CLUAP1: variants seen among roughly 807,000 people sequenced by gnomAD.
CLUAP1 encodes the protein intraflagellar transport 38, also known as clusterin-associated protein 1.
CLUAP1 carries 50 observed loss-of-function variants against 55.0 expected under a neutral mutation model. That is an observed-to-expected ratio of 0.91 (90% CI 0.72 to 1.15). The LOEUF (loss-of-function observed/expected upper bound fraction) is 1.15. Ranked by LOEUF, CLUAP1 falls within the 50% of genes most tolerant of loss-of-function variation. The probability of loss-of-function intolerance (pLI) is 0.00; values close to 1 mark genes in which losing one functional copy is unlikely to be tolerated. For missense variants in CLUAP1, 530 were observed against 507.6 expected (o/e 1.04, Z -0.42); for synonymous variants, 195 against 175.4 (o/e 1.11, Z -0.88).
At chr16:3,505,076 C>A (rs1006979104) in intron 2 of CLUAP1, among the ~76,000 whole-genome samples, 6 of 152,140 alleles carry the variant, frequency 3.9e-5, no homozygotes, top group African/African-American at 1.4e-4. Flanking sequence ...TGTCTCCATA[C>A]ACAAAAGAAC....
chr16:3,495,915 C>T, the CLUAP1 span, among the ~76,000 whole-genome samples: 5 of 151,980 alleles, frequency 3.3e-5, no homozygotes, highest in African/African-American at 7.3e-5. Context: ...CCGGGGTGGG[C>T]GGATCATGAG....
chr16:3,512,958 G>T (rs2037660555), intron 5 of CLUAP1, among the ~76,000 whole-genome samples: 1 of 152,194 alleles, frequency 6.6e-6, no homozygotes, highest in Non-Finnish European at 1.5e-5. Context: ...GGGATTACCG[G>T]TGTGAGCCAC....
chr16:3,496,232 TA>T, upstream of CLUAP1: 1 of 619,488 alleles, frequency 1.6e-6, no homozygotes, highest in Non-Finnish European at 3.1e-6. Context: ...AAGAAGGACC[TA>T]AAGGTTCGGC....
chr16:3,497,846 A>G (rs912537418), upstream of CLUAP1, among the ~76,000 whole-genome samples: 1 of 151,866 alleles, frequency 6.6e-6, no homozygotes, highest in Admixed American at 6.6e-5. Flanking sequence ...TTGCTGATGG[A>G]GATCTCACCA....
At chr16:3,514,408 G>T (rs1470881948) in intron 5 of CLUAP1, among the ~76,000 whole-genome samples, 1 of 151,942 alleles carries the variant, frequency 6.6e-6, no homozygotes, top group East Asian at 1.9e-4. Flanking sequence ...ATTTACTGAG[G>T]TGCAGCCTCA....
At chr16:3,508,611 G>A (rs193157764) in intron 4 of CLUAP1, 143 bp downstream of exon 4, 12 of 658,384 alleles carry the variant, frequency 1.8e-5, no homozygotes, top group Admixed American at 1.6e-4. Flanking sequence ...TCAGCATTTG[G>A]ATAAAGTCAA....
At chr16:3,499,439 T>G (rs1490071819), upstream of CLUAP1, among the ~76,000 whole-genome samples, 1 of 152,268 alleles carries the variant, frequency 6.6e-6, no homozygotes, top group African/African-American at 2.4e-5. Flanking sequence ...AGATTTAATT[T>G]TTAGGTTTTT....
chr16:3,508,029 A>G (rs938312644), intron 3 of CLUAP1, among the ~76,000 whole-genome samples: 4 of 152,070 alleles, frequency 2.6e-5, no homozygotes, highest in Non-Finnish European at 5.9e-5. Context: ...GTGTCCCTAG[A>G]ATAAGTTCTT....
Position 3,515,558 on chromosome 16 carries a change from A to G in CLUAP1, c.546A>G (p.Glu182=). Residue 182 remains glutamate (E), a synonymous_variant, in exon 6 of 12, where the codon GAA becomes GAG. Coordinates refer to ENST00000576634, the MANE Select transcript of CLUAP1 (RefSeq NM_015041.3). ...GACCTCTGGAAATAAACGAGACTGAAAAAGTGATGAGAATTGCAATAAAAG... is the reference window on the plus strand; with the variant it reads ...GACCTCTGGAAATAAACGAGACTGAGAAAGTGATGAGAATTGCAATAAAAG... ...IARPLEINET[E]KVMRIAIKEI... The G allele has an allele frequency of 6.2e-7, 1 of 1,601,300 alleles. No homozygotes were observed. Among genetic ancestry groups the G allele is most frequent in the Non-Finnish European group, 8.5e-7 (1 of 1,176,760 alleles).
rs781036885 is a variant in CLUAP1, at chr16:3,512,392, T to G, written c.409T>G (p.Leu137Val). Residue 137 changes from leucine to valine, a missense_variant, in exon 5 of 12, where the codon TTG becomes GTG. Transcript: ENST00000576634. ...KFDLGSKIAD[L>V]KAARQLASEI... ...GTTATTTTCCTTCCAGATTGCAGAT[T>G]TGAAGGCAGCCAGGCAGCTTGCGTC... 1.4e-5 allele frequency: 23 copies of G among 1,613,808 alleles called. 1 individual carries two copies. In the South Asian group the frequency reaches 2.4e-4, roughly 17 times the overall value.
upstream of CLUAP1, chr16:3,496,472 C>T (rs879129646): frequency 1.2e-6 from 1 of 814,786 alleles, no homozygotes; most frequent in Non-Finnish European, 2.0e-6. Flanking sequence ...TAACGGATGA[C>T]GCGAGGGTTC....
At chr16:3,526,567 A>AT in intron 9 of CLUAP1, 83 bp downstream of exon 9, 1 of 708,638 alleles carries the variant, frequency 1.4e-6, no homozygotes. Flanking sequence ...ATATATATAT[A>AT]TTTTTTAATA....
upstream of CLUAP1, among the ~76,000 whole-genome samples, chr16:3,498,172 G>C (rs921273759): frequency 6.6e-6 from 1 of 152,080 alleles, no homozygotes; most frequent in Non-Finnish European, 1.5e-5. Context: ...CCAAGGGCAC[G>C]GGAAGAAGGA....
rs543757952 is a variant in CLUAP1 at position 3,511,656 on chromosome 16, G to A, written c.400-727G>A. 5.3e-5 allele frequency among the ~76,000 whole-genome samples: 8 copies of A among 152,320 alleles called. No homozygotes were observed. In the South Asian group the frequency reaches 6.2e-4, roughly 12 times the overall value. On this transcript the variant is annotated intron_variant, in intron 4 of 11. Transcript: ENST00000576634. ...GTGACAAAGTCCAAGTAGGAAGCAC[G>A]TCAGCTTTCTCCCAGCTATGCCCTC...
In CLUAP1 at chr16:3,533,677, C is replaced by T. The variant is rs150789178; in HGVS notation, c.1092+836C>T. 137 of 158,120 alleles carry T rather than the reference C, an allele frequency of 8.7e-4. 1 individual carries two copies. In the Middle Eastern group the frequency reaches 0.01, roughly 12 times the overall value. The allele number at this position is 158,120 out of a possible 1,614,324, so 9.8% of individuals were successfully genotyped here. ...TTGTTGCGTCCCTGGCAGTGCTGCTCGGCCCACACAGCAAAGGGCGACTCA... is the reference window on the plus strand; with the variant it reads ...TTGTTGCGTCCCTGGCAGTGCTGCTTGGCCCACACAGCAAAGGGCGACTCA... On this transcript the variant is annotated intron_variant, in intron 11 of 11. Transcript: ENST00000576634.
At chr16:3,514,846 A>G (rs990981091) in intron 5 of CLUAP1, among the ~76,000 whole-genome samples, 3 of 152,256 alleles carry the variant, frequency 2.0e-5, no homozygotes, top group African/African-American at 7.2e-5. Context: ...CATTGTCTAT[A>G]GTAAACCTCA....
At chr16:3,512,216 G>T (rs1365390905) in intron 4 of CLUAP1, among the ~76,000 whole-genome samples, 167 bp from the exon 5 acceptor site, 1 of 151,656 alleles carries the variant, frequency 6.6e-6, no homozygotes, top group African/African-American at 2.4e-5. Flanking sequence ...TCTGTGGCTG[G>T]CTGAACATGG....
intron 11 of CLUAP1, 172 bp downstream of exon 11, chr16:3,533,013 G>C (rs930388021): frequency 2.4e-4 from 332 of 1,384,098 alleles, no homozygotes; most frequent in South Asian, 3.3e-4. Flanking sequence ...TTCGTTGCTC[G>C]TGGATGGCTC....
intron 4 of CLUAP1, chr16:3,509,830 GT>G (rs34737638): frequency 0.43 from 65,876 of 152,100 alleles, 17,217 homozygotes; most frequent in African/African-American, 0.75. Context: ...TTTTTGTTTT[GT>G]TTTTGTTTTG....
Sources: allele counts gnomAD v4.1 joint callset (sites outside exome capture counted in the v4.1 genomes callset), GRCh38; gene constraint gnomAD v4.1.1; transcripts MANE v1.5; gene names NCBI Gene and HGNC (gene_info 2026-07-23, HGNC 2026-07-21).